The following ZNF521 variants were observed in gnomAD, a reference collection of about 807,000 sequenced individuals.
ZNF521 encodes LYST-interacting protein 3.
A neutral mutation model predicts 105.5 loss-of-function variants in ZNF521; 14 were observed. The ratio of observed to expected loss-of-function variants is 0.13; its 90% CI spans 0.09 to 0.21. ZNF521 has a LOEUF of 0.21. ZNF521 is among the 10% of genes least tolerant of loss of function. The pLI is 1.00. For missense variants in ZNF521, 1,233 were observed against 1,629.7 expected (o/e 0.76, Z 4.19); for synonymous variants, 635 against 606.0 (o/e 1.05, Z -0.70).
At chr18:25,194,912 T>C (rs2035877642) in intron 5 of ZNF521, among the ~76,000 whole-genome samples, 1 of 151,688 alleles carries the variant, frequency 6.6e-6, no homozygotes, top group Non-Finnish European at 1.5e-5. Context: ...AAGTTTAATT[T>C]GTTAATCACC....
At chr18:25,165,826 A>C (rs1232094851) in intron 5 of ZNF521, among the ~76,000 whole-genome samples, 1 of 152,228 alleles carries the variant, frequency 6.6e-6, no homozygotes, top group Admixed American at 6.5e-5. Context: ...AGCTTTTAAA[A>C]GTAATTTGAA....
At chr18:25,259,141 G>C (rs1249255227) in intron 3 of ZNF521, among the ~76,000 whole-genome samples, 2 of 152,160 alleles carry the variant, frequency 1.3e-5, no homozygotes, top group African/African-American at 2.4e-5. Context: ...TGGCAGCTAA[G>C]AAAGTTTACA....
At chr18:25,145,016 C>G (rs1343557216) in intron 5 of ZNF521, among the ~76,000 whole-genome samples, 1 of 152,172 alleles carries the variant, frequency 6.6e-6, no homozygotes, top group Non-Finnish European at 1.5e-5. Flanking sequence ...AAGAGCTCTG[C>G]TGGCTGCAGA....
Position 25,225,352 on chromosome 18 carries a change from C to T in ZNF521, c.2566G>A (p.Val856Met), listed in dbSNP as rs900892135. ...GASEQVQKEE[V>M]ELQTLLTNSQ... is the part of the protein sequence containing the mutation. ...TTGGTCAGCAAAGTCTGCAGCTCCA[C>T]TTCCTCTTTCTGCACTTGCTCGGAA... Residue 856 changes from valine to methionine, a missense_variant, in exon 4 of 8, where the codon GTG becomes ATG. By Grantham distance (21) the Val-to-Met change is conservative (BLOSUM62 1). Around this residue, in one of 6 missense-constraint regions of ZNF521, gnomAD observed 614 missense variants for 751.5 expected, o/e 0.82. Coordinates refer to ENST00000361524, the MANE Select transcript of ZNF521 (RefSeq NM_015461.3). The surrounding 1 kb of genome is among the most constrained non-coding windows in gnomAD (Gnocchi z 5.6). 1.1e-5 allele frequency: 17 copies of T among 1,614,066 alleles called. No individual in the cohort carries two copies. Among genetic ancestry groups the T allele is most frequent in the Non-Finnish European group, 1.3e-5 (15 of 1,180,034 alleles).
intron 4 of ZNF521, among the ~76,000 whole-genome samples, chr18:25,215,857 G>A (rs529924148): frequency 1.1e-4 from 17 of 152,244 alleles, no homozygotes; most frequent in South Asian, 4.1e-4. Flanking sequence ...TGCCAGGGCC[G>A]TTGACTCCCT....
chr18:25,157,482 G>C (rs1442433286), intron 5 of ZNF521, among the ~76,000 whole-genome samples: 1 of 152,208 alleles, frequency 6.6e-6, no homozygotes, highest in East Asian at 1.9e-4. Context: ...TTTATCCTAA[G>C]GAGATAATCA....
At chr18:25,297,318 C>G (rs1260275652) in intron 3 of ZNF521, among the ~76,000 whole-genome samples, 2 of 152,010 alleles carry the variant, frequency 1.3e-5, no homozygotes, top group Non-Finnish European at 2.9e-5. Flanking sequence ...GTTTTGCTAA[C>G]AGAGATGTTC....
intron 4 of ZNF521, among the ~76,000 whole-genome samples, chr18:25,213,591 C>T (rs1041042070): frequency 2.0e-5 from 3 of 151,902 alleles, no homozygotes; most frequent in African/African-American, 4.8e-5. Flanking sequence ...ATAAAAGTGG[C>T]CTACATTTCT....
intron 7 of ZNF521, among the ~76,000 whole-genome samples, chr18:25,088,247 G>A (rs1006293511): frequency 6.7e-6 from 1 of 150,054 alleles, no homozygotes; most frequent in Non-Finnish European, 1.5e-5. Flanking sequence ...ACAGAGTCTC[G>A]CTCTGTTGCC....
intron 3 of ZNF521, among the ~76,000 whole-genome samples, chr18:25,259,558 G>A (rs973587461): frequency 1.4e-4 from 21 of 152,150 alleles, no homozygotes; most frequent in Admixed American, 6.5e-4. Flanking sequence ...GAGAGCTGAA[G>A]GGAGTAGAGA....
intron 7 of ZNF521, among the ~76,000 whole-genome samples, chr18:25,083,829 G>A (rs1410016177): frequency 1.3e-5 from 2 of 151,396 alleles, no homozygotes; most frequent in Non-Finnish European, 2.9e-5. Context: ...GAGTGCAGTG[G>A]TGCAATCATG....
At chr18:25,217,095 T>G (rs529406071) in intron 4 of ZNF521, among the ~76,000 whole-genome samples, 1 of 152,134 alleles carries the variant, frequency 6.6e-6, no homozygotes, top group Non-Finnish European at 1.5e-5. Flanking sequence ...AGAGAGCCCA[T>G]GACTTTGTAA....
intron 5 of ZNF521, among the ~76,000 whole-genome samples, chr18:25,094,326 G>A (rs1347821809): frequency 6.6e-6 from 1 of 152,116 alleles, no homozygotes; most frequent in African/African-American, 2.4e-5. Flanking sequence ...CAGGGAAAAT[G>A]TACTCATTCA....
At chr18:25,074,154 A>G (rs1437265434) in intron 7 of ZNF521, among the ~76,000 whole-genome samples, 1 of 152,210 alleles carries the variant, frequency 6.6e-6, no homozygotes, top group Non-Finnish European at 1.5e-5. Flanking sequence ...CGCAGGGCAA[A>G]AAAAAAGAGT....
chr18:25,256,669 C>T (rs1035221906), intron 3 of ZNF521, among the ~76,000 whole-genome samples: 1 of 151,892 alleles, frequency 6.6e-6, no homozygotes, highest in Non-Finnish European at 1.5e-5. Context: ...ATCCCAGAGG[C>T]CAGATAATTC....
intron 2 of ZNF521, among the ~76,000 whole-genome samples, chr18:25,341,262 T>C (rs1914185775): frequency 1.3e-5 from 2 of 152,248 alleles, no homozygotes; most frequent in Non-Finnish European, 2.9e-5. Context: ...CCTAGTGTTC[T>C]ACGCCTGCAC....
At chr18:25,153,160 C>T (rs1008562145) in intron 5 of ZNF521, among the ~76,000 whole-genome samples, 14 of 152,118 alleles carry the variant, frequency 9.2e-5, no homozygotes, top group African/African-American at 3.1e-4. Flanking sequence ...GATCGTAATG[C>T]TGTCAGTATG....
intron 3 of ZNF521, among the ~76,000 whole-genome samples, chr18:25,308,357 G>A (rs1216827837): frequency 6.6e-6 from 1 of 152,044 alleles, no homozygotes. Flanking sequence ...TAGAAACTTT[G>A]AGAAAATACA....
chr18:25,195,274 T>C, intron 4 of ZNF521, 30 bp from the exon 5 acceptor site: 1 of 1,475,172 alleles, frequency 6.8e-7, no homozygotes, highest in South Asian at 1.2e-5. Flanking sequence ...CAGAGTTACT[T>C]AGACACATGG....
Sources: gnomAD v4.1 joint callset for allele counts (sites outside exome capture counted in the v4.1 genomes callset) on GRCh38, gnomAD v4.1.1 for gene constraint, gnomAD v4.1.1 regional missense constraint, Gnocchi (gnomAD v3.1) non-coding constraint, MANE v1.5 for transcripts, NCBI Gene and HGNC (gene_info 2026-07-23, HGNC 2026-07-21) for gene names.